Variants in CFAP20DC observed in about 807,000 individuals in gnomAD.
CFAP20DC encodes CFAP20 domain containing, also known as protein CFAP20DC.
CFAP20DC carries 84 observed loss-of-function variants against 101.7 expected under a neutral mutation model. That is an observed-to-expected ratio of 0.83 (90% CI 0.69 to 0.99). The LOEUF (loss-of-function observed/expected upper bound fraction) is 0.99. Ranked by LOEUF, CFAP20DC falls within the 50% of genes least tolerant of loss-of-function variation. The pLI is 0.00. For missense variants in CFAP20DC, 1,007 were observed against 970.3 expected, an observed-to-expected ratio of 1.04 and a Z score of -0.50; for synonymous variants, 359 against 351.2, an observed-to-expected ratio of 1.02 and a Z score of -0.25.
intron 4 of CFAP20DC, among the ~76,000 whole-genome samples, chr3:58,950,867 T>C (rs565484983): frequency 8.1e-4 from 123 of 152,280 alleles, no homozygotes; most frequent in Middle Eastern, 3.4e-3. Context: ...ACTTCATGTC[T>C]AAAACACCAA....
intron 14 of CFAP20DC, among the ~76,000 whole-genome samples, chr3:58,825,018 G>C (rs937439300): frequency 1.3e-5 from 2 of 152,030 alleles, no homozygotes; most frequent in African/African-American, 2.4e-5. Context: ...TCTGCTCACA[G>C]GGTAGCTGCA....
chr3:58,974,958 C>T (rs1377052386), intron 4 of CFAP20DC, among the ~76,000 whole-genome samples: 1 of 152,180 alleles, frequency 6.6e-6, no homozygotes, highest in Non-Finnish European at 1.5e-5. Context: ...CCTTTGCTGG[C>T]TATTGGTCTC....
At position 58,820,731 on chromosome 3, in the gene CFAP20DC, C is replaced by T. The variant is rs1417371356; in HGVS notation, c.2175+10955G>A. Among the ~76,000 whole-genome samples the T allele has an allele frequency of 3.7e-3, 545 of 145,966 alleles. 2 individuals are homozygous for T. Among genetic ancestry groups the T allele is most frequent in the African/African-American group, 0.013 (499 of 38,372 alleles). On this transcript the variant is annotated intron_variant, in intron 14 of 16. Transcript: ENST00000482387. ...TGGCCATACTGCCCAAGGTAATTTA[C>T]AGATTCAATGCCATCCCCATCAAGC...
chr3:58,816,477 G>A (rs1211751482), intron 14 of CFAP20DC, among the ~76,000 whole-genome samples: 1 of 152,200 alleles, frequency 6.6e-6, no homozygotes, highest in Admixed American at 6.5e-5. Flanking sequence ...TGCCTCACCT[G>A]GGAAGCGCAA....
intron 4 of CFAP20DC, among the ~76,000 whole-genome samples, chr3:59,008,036 T>C (rs977382309): frequency 1.3e-4 from 20 of 152,226 alleles, no homozygotes; most frequent in East Asian, 3.9e-4. Flanking sequence ...CAGCACTCCA[T>C]TGCAGACACA....
chr3:58,787,016 C>T (rs1278180710), intron 15 of CFAP20DC, among the ~76,000 whole-genome samples: 1 of 151,226 alleles, frequency 6.6e-6, no homozygotes, highest in Non-Finnish European at 1.5e-5. Flanking sequence ...GGAATGTACC[C>T]CCTGTAGATA....
At chr3:58,812,356 C>G (rs1170150049) in intron 14 of CFAP20DC, among the ~76,000 whole-genome samples, 4 of 152,104 alleles carry the variant, frequency 2.6e-5, no homozygotes, top group East Asian at 1.9e-4. Context: ...ACATAAACAC[C>G]ATGGAATACT....
chr3:58,855,381 T>G (rs542221254), intron 12 of CFAP20DC, among the ~76,000 whole-genome samples: 1 of 152,316 alleles, frequency 6.6e-6, no homozygotes, highest in East Asian at 1.9e-4. Context: ...ACTTTTACAC[T>G]GTTGCTGGGA....
At chr3:58,936,935 T>TA (rs955355490) in intron 5 of CFAP20DC, among the ~76,000 whole-genome samples, 6 of 133,172 alleles carry the variant, frequency 4.5e-5, no homozygotes, top group Non-Finnish European at 6.5e-5. Context: ...ATAACAAAAT[T>TA]AAAAAAAAAT....
chr3:58,792,524 A>G (rs1245945120), intron 15 of CFAP20DC, among the ~76,000 whole-genome samples: 1 of 152,128 alleles, frequency 6.6e-6, no homozygotes, highest in Non-Finnish European at 1.5e-5. Flanking sequence ...CAAATTAACT[A>G]CAAGTGTGCT....
At chr3:58,816,830 G>A (rs1449815384) in intron 14 of CFAP20DC, among the ~76,000 whole-genome samples, 1 of 152,112 alleles carries the variant, frequency 6.6e-6, no homozygotes, top group African/African-American at 2.4e-5. Flanking sequence ...CTCCACCTCT[G>A]GGGGCAGGGC....
chr3:58,917,875 G>A (rs1057319394), intron 5 of CFAP20DC, among the ~76,000 whole-genome samples: 2 of 152,130 alleles, frequency 1.3e-5, no homozygotes, highest in Admixed American at 1.3e-4. Context: ...GAAAGCTGGG[G>A]CTGCCAGAGC....
At chr3:59,046,896 C>T (rs1277666165) in intron 2 of CFAP20DC, among the ~76,000 whole-genome samples, 1 of 151,992 alleles carries the variant, frequency 6.6e-6, no homozygotes, top group African/African-American at 2.4e-5. Context: ...AAGCCCAGGA[C>T]TAGGAGAGAT....
chr3:58,993,800 T>C (rs571190103), intron 4 of CFAP20DC, among the ~76,000 whole-genome samples: 9 of 152,348 alleles, frequency 5.9e-5, no homozygotes, highest in Non-Finnish European at 1.0e-4. Context: ...CCATGGTGTA[T>C]ATGTACCATT....
intron 15 of CFAP20DC, among the ~76,000 whole-genome samples, chr3:58,757,800 C>T (rs1335887137): frequency 6.6e-6 from 1 of 152,062 alleles, no homozygotes; most frequent in Non-Finnish European, 1.5e-5. Context: ...TATTTTAACA[C>T]AGATTTAGAA....
chr3:58,995,975 AATCTATCT>A (rs10688272), intron 4 of CFAP20DC, among the ~76,000 whole-genome samples: 5,139 of 145,238 alleles, frequency 0.035, 146 homozygotes, highest in Non-Finnish European at 0.054. Context: ...CTGTATAATA[AATCTATCT>A]ATCTATCTAT....
rs1267041755 is a variant in CFAP20DC, at chr3:58,937,573, C to T, written c.393+75G>A. ...CCATCGTACTTAACAAAGTACCTCA[C>T]ATATGGAGTCAGCCCATAAGTAATA... is the stretch of plus-strand genomic sequence containing the variant. On this transcript the variant is annotated intron_variant, in intron 5 of 16. Coordinates refer to ENST00000482387, the MANE Select transcript of CFAP20DC (RefSeq NM_001394063.1). 5 of 908,370 alleles carry T rather than the reference C, an allele frequency of 5.5e-6. No individual in the cohort carries two copies. In the East Asian group the frequency reaches 7.2e-5, roughly 13 times the overall value. 56.3% of individuals were successfully genotyped at this position (908,370 alleles called of 1,614,324 possible). A position where few individuals can be genotyped will look rare whatever the true frequency, so the allele number is the denominator to read the frequency against.
chr3:58,750,875 T>A (rs72881609), intron 16 of CFAP20DC, among the ~76,000 whole-genome samples: 3 of 152,310 alleles, frequency 2.0e-5, no homozygotes, highest in African/African-American at 7.2e-5. Context: ...AGCCACGGCA[T>A]AAGGTGATCT....
At chr3:58,953,274 C>G (rs576532390) in intron 4 of CFAP20DC, among the ~76,000 whole-genome samples, 2 of 152,256 alleles carry the variant, frequency 1.3e-5, no homozygotes, top group South Asian at 2.1e-4. Context: ...TAATCCAACA[C>G]ATTTATTAAG....
Sources: allele counts gnomAD v4.1 joint callset (sites outside exome capture counted in the v4.1 genomes callset), GRCh38; gene constraint gnomAD v4.1.1; transcripts MANE v1.5; gene names NCBI Gene and HGNC (gene_info 2026-07-23, HGNC 2026-07-21).